Variants in MTUS1 observed in about 807,000 individuals in gnomAD.
MTUS1 encodes microtubule associated scaffold protein 1, also known as microtubule-associated tumor suppressor 1.
MTUS1 carries 109 observed loss-of-function variants against 120.8 expected under a neutral mutation model. That is an observed-to-expected ratio of 0.90 (90% CI 0.77 to 1.06). The LOEUF (loss-of-function observed/expected upper bound fraction) is 1.06, where lower values mean the gene tolerates loss of function less well. MTUS1 is among the 50% of genes least tolerant of loss of function. MTUS1 has a pLI of 0.00. For missense variants in MTUS1, 2,210 were observed against 1,486.3 expected, an observed-to-expected ratio of 1.49 and a Z score of -8.01; for synonymous variants, 737 against 550.5, an observed-to-expected ratio of 1.34 and a Z score of -4.74.
chr8:17,780,612 A>G (rs1464661087), intron 1 of MTUS1, among the ~76,000 whole-genome samples: 1 of 152,190 alleles, frequency 6.6e-6, no homozygotes, highest in Non-Finnish European at 1.5e-5. Flanking sequence ...ACTGCCTTCA[A>G]AATACATTTC....
chr8:17,694,454 T>A (rs1254870051), intron 6 of MTUS1, among the ~76,000 whole-genome samples: 1 of 152,166 alleles, frequency 6.6e-6, no homozygotes, highest in Non-Finnish European at 1.5e-5. Flanking sequence ...TTGCCTGAGG[T>A]CAGGAGTTCC....
rs1036410443 is a variant in MTUS1 at position 17,703,585 on chromosome 8, C to T, written c.2623+9629G>A. ...CAGAGCTTGCAGTGAGCCGAGATCGCGCCACTGCACCGCAGCCTGGGTGAC... is the reference window on the plus strand; with the variant it reads ...CAGAGCTTGCAGTGAGCCGAGATCGTGCCACTGCACCGCAGCCTGGGTGAC... On this transcript the variant is annotated intron_variant, in intron 6 of 14. Coordinates refer to ENST00000693296, the MANE Select transcript of MTUS1 (RefSeq NM_001363059.2). Among the ~76,000 whole-genome samples, 53 of 149,376 alleles carry T rather than the reference C, an allele frequency of 3.5e-4. 1 individual carries two copies. Among genetic ancestry groups the T allele is most frequent in the Non-Finnish European group, 3.1e-4 (21 of 67,636 alleles).
At chr8:17,780,445 G>C (rs1251754536) in intron 1 of MTUS1, among the ~76,000 whole-genome samples, 2 of 152,154 alleles carry the variant, frequency 1.3e-5, no homozygotes, top group African/African-American at 4.8e-5. Context: ...AAGTCTAAAA[G>C]GGAACTCTGG....
intron 6 of MTUS1, chr8:17,697,295 G>C: frequency 1.2e-6 from 2 of 1,614,124 alleles, no homozygotes; most frequent in Non-Finnish European, 1.7e-6. Flanking sequence ...AAACCCTGAA[G>C]GAAGTCGAAG....
At chr8:17,721,801 T>G (rs1350950695) in intron 4 of MTUS1, 2 of 1,614,170 alleles carry the variant, frequency 1.2e-6, no homozygotes, top group Non-Finnish European at 1.7e-6. Context: ...AGCATCATAG[T>G]GCCTCTCTGA....
chr8:17,712,984 T>A (rs541303910), intron 6 of MTUS1, among the ~76,000 whole-genome samples: 1 of 152,336 alleles, frequency 6.6e-6, no homozygotes, highest in Non-Finnish European at 1.5e-5. Context: ...AATCATTTTT[T>A]AAAAGACTAT....
chr8:17,739,257 G>A (rs2047142654), intron 3 of MTUS1, among the ~76,000 whole-genome samples: 1 of 152,224 alleles, frequency 6.6e-6, no homozygotes, highest in African/African-American at 2.4e-5. Context: ...ACTTTGGGAG[G>A]CCGAGGCGGG....
intron 7 of MTUS1, among the ~76,000 whole-genome samples, chr8:17,676,979 C>T (rs553012154): frequency 1.3e-5 from 2 of 152,218 alleles, no homozygotes; most frequent in East Asian, 3.9e-4. Flanking sequence ...CTACGGAAGT[C>T]AAGTCTAAAC....
At position 17,710,930 on chromosome 8, in the gene MTUS1, G is replaced by T. The variant is rs757504868; in HGVS notation, c.2623+2284C>A. On this transcript the variant is annotated intron_variant, in intron 6 of 14. Coordinates refer to ENST00000693296, the MANE Select transcript of MTUS1 (RefSeq NM_001363059.2). ...TAATACACTATACTATACTCCATCA[G>T]AGTTCTTGGGTGACCAGGTGCACTG... Among the ~76,000 whole-genome samples the T allele has an allele frequency of 8.5e-5, 13 of 152,120 alleles. 1 individual carries two copies. The highest frequency in any genetic ancestry group is 1.6e-4 in the Non-Finnish European group (11 of 68,038).
intron 3 of MTUS1, among the ~76,000 whole-genome samples, chr8:17,729,500 CA>C (rs770493133): frequency 9.3e-4 from 142 of 152,170 alleles, no homozygotes; most frequent in Admixed American, 4.2e-3. Flanking sequence ...ACTTTGGTAA[CA>C]AAAAGGAATT....
In MTUS1 at chr8:17,723,830, T is replaced by G. The variant is rs1236203004; in HGVS notation, c.2291A>C (p.Lys764Thr). 3 of 1,563,974 alleles carry G rather than the reference T, an allele frequency of 1.9e-6. No individual in the cohort carries two copies. The African/African-American group carries it at 4.1e-5, about 22-fold the overall frequency. ...CTGTGCAGTTTTCAAGGATGTAGGC[T>G]TTCCTTGGGGTTTAAAAAAAACAAA... ...QRIRRVSSSG[K>T]PTSLKTAQSS... The change falls in exon 4 of 15, where the codon AAG becomes ACG. Residue 764 changes from lysine to threonine, a missense_variant. Coordinates refer to ENST00000693296, the MANE Select transcript of MTUS1 (RefSeq NM_001363059.2).
chr8:17,664,791 G>C (rs1179793121), intron 8 of MTUS1, among the ~76,000 whole-genome samples: 1 of 152,116 alleles, frequency 6.6e-6, no homozygotes, highest in Non-Finnish European at 1.5e-5. Context: ...GACTATGTAG[G>C]TGACCCCCTT....
chr8:17,779,319 C>T (rs1381693319), intron 1 of MTUS1, among the ~76,000 whole-genome samples: 2 of 152,140 alleles, frequency 1.3e-5, no homozygotes, highest in African/African-American at 4.8e-5. Flanking sequence ...AGACAGTGAC[C>T]AGGAGACGTA....
rs1322477349 is a variant in MTUS1 at position 17,754,697 on chromosome 8, C to A, written c.1111G>T (p.Val371Phe). 2.5e-6 allele frequency: 4 copies of A among 1,614,208 alleles called. No homozygotes were observed. The highest frequency in any genetic ancestry group is 3.4e-6 in the Non-Finnish European group (4 of 1,180,034). ...ATTTGTGTGTCTTCAGTCTCAGTGA[C>A]TTTATGCTCTGGGTTCAGCACTTGA... ...EAQVLNPEHK[V>F]TETEDTQMVS... Residue 371 changes from valine to phenylalanine, a missense_variant, in exon 2 of 15, where the codon GTC (valine) becomes TTC (phenylalanine). Transcript: ENST00000693296.
chr8:17,721,811 A>AG, intron 4 of MTUS1: 1 of 1,614,208 alleles, frequency 6.2e-7, no homozygotes, highest in Non-Finnish European at 8.5e-7. Flanking sequence ...TGCCTCTCTG[A>AG]ACCAGCCGGT....
At chr8:17,711,114 A>C (rs368770759) in intron 6 of MTUS1, among the ~76,000 whole-genome samples, 66 of 152,288 alleles carry the variant, frequency 4.3e-4, no homozygotes, top group African/African-American at 1.4e-3. Flanking sequence ...GTAATTCTTA[A>C]GGGCCCTAGA....
chr8:17,767,700 T>TAAAAAAAAA (rs112048837), intron 1 of MTUS1, among the ~76,000 whole-genome samples: 2 of 87,874 alleles, frequency 2.3e-5, no homozygotes, highest in African/African-American at 1.0e-4. Flanking sequence ...CCCTGTCTCT[T>TAAAAAAAAA]AAAAAAAAAA....
intron 2 of MTUS1, among the ~76,000 whole-genome samples, chr8:17,748,828 T>C (rs1477958061): frequency 6.6e-6 from 1 of 152,184 alleles, no homozygotes; most frequent in African/African-American, 2.4e-5. Context: ...AGACAGGGTC[T>C]CTTTTTTCCC....
intron 8 of MTUS1, among the ~76,000 whole-genome samples, chr8:17,664,408 T>C (rs538887592): frequency 1.3e-5 from 2 of 151,854 alleles, no homozygotes; most frequent in African/African-American, 4.8e-5. Context: ...CACATACTCC[T>C]TTCCCAGACG....
Sources: gnomAD v4.1 joint callset for allele counts (sites outside exome capture counted in the v4.1 genomes callset) on GRCh38, gnomAD v4.1.1 for gene constraint, MANE v1.5 for transcripts, NCBI Gene and HGNC (gene_info 2026-07-23, HGNC 2026-07-21) for gene names.